GLRB: variants seen among roughly 807,000 people sequenced by gnomAD.
The protein encoded by GLRB is glycine receptor beta.
A neutral mutation model predicts 54.2 loss-of-function variants in GLRB; 33 were observed. That is an observed-to-expected ratio of 0.61 (90% CI 0.46 to 0.81). The LOEUF is 0.81. GLRB is among the 40% of genes least tolerant of loss of function. The pLI is 0.00. For missense variants in GLRB, 572 were observed against 584.6 expected, an observed-to-expected ratio of 0.98 and a Z score of 0.22; for synonymous variants, 209 against 208.2, an observed-to-expected ratio of 1.00 and a Z score of -0.03.
chr4:157,094,592 AG>A, intron 2 of GLRB, among the ~76,000 whole-genome samples: 1 of 152,344 alleles, frequency 6.6e-6, no homozygotes. Context: ...AGGCCAAAAG[AG>A]GGTAGCCTAA....
intron 2 of GLRB, among the ~76,000 whole-genome samples, chr4:157,106,461 T>C (rs771628116): frequency 9.2e-5 from 14 of 152,014 alleles, no homozygotes; most frequent in Non-Finnish European, 1.5e-4. Context: ...GTTTTCAGAG[T>C]AGATGGGCAT....
chr4:157,129,043 T>C (rs1560958130), intron 4 of GLRB, among the ~76,000 whole-genome samples: 1 of 152,020 alleles, frequency 6.6e-6, no homozygotes, highest in East Asian at 1.9e-4. Flanking sequence ...TATTAAAATA[T>C]CATTTATGAA....
intron 9 of GLRB, among the ~76,000 whole-genome samples, chr4:157,169,925 TTGTGAA>T (rs1737854557): frequency 6.6e-6 from 1 of 152,128 alleles, no homozygotes; most frequent in African/African-American, 2.4e-5. Context: ...TAGTCCTTGT[TTGTGAA>T]TGTGGCTTAG....
At position 157,171,073 on chromosome 4, in the gene GLRB, A is replaced by G. The variant is rs979777568; in HGVS notation, c.*345A>G. 6.0e-6 allele frequency: 1 copy of G among 166,474 alleles called. No individual in the cohort carries two copies. Among genetic ancestry groups the G allele is most frequent in the Non-Finnish European group, 1.3e-5 (1 of 77,190 alleles). 10.3% of individuals were successfully genotyped at this position (166,474 alleles called of 1,614,324 possible). ...AATGATATGCACGCTGAATCCTGCT[A>G]TGGTCACCATTCTAATGTATGTAGT... On this transcript the variant is annotated 3_prime_UTR_variant, in exon 10 of 10. Coordinates refer to ENST00000264428, the MANE Select transcript of GLRB (RefSeq NM_000824.5).
rs1290246543 is a variant in GLRB at position 157,171,837 on chromosome 4, C to T, written c.*1109C>T. Reference sequence around the variant, plus strand: ...TTTTCTTTCTTGTTAAAAGTCTAGACAACTGAGATTTACTTACTTTGAACT... The same window carrying T: ...TTTTCTTTCTTGTTAAAAGTCTAGATAACTGAGATTTACTTACTTTGAACT... On this transcript the variant is annotated 3_prime_UTR_variant, in exon 10 of 10. Coordinates refer to ENST00000264428, the MANE Select transcript of GLRB (RefSeq NM_000824.5). The T allele has an allele frequency of 1.3e-5, 2 of 151,762 alleles. No individual in the cohort carries two copies. Among genetic ancestry groups the T allele is most frequent in the Non-Finnish European group, 3.0e-5 (2 of 67,734 alleles). The allele number at this position is 151,762 out of a possible 1,614,324, so 9.4% of individuals were successfully genotyped here. A position where few individuals can be genotyped will look rare whatever the true frequency, so the allele number is the denominator to read the frequency against.
intron 8 of GLRB, among the ~76,000 whole-genome samples, chr4:157,150,715 C>A (rs1398473800): frequency 9.2e-5 from 14 of 151,980 alleles, no homozygotes; most frequent in African/African-American, 3.1e-4. Flanking sequence ...TAGGCCCCTT[C>A]CCCATCTTTT....
At chr4:157,082,515 G>A (rs899141794) in intron 2 of GLRB, among the ~76,000 whole-genome samples, 7 of 152,090 alleles carry the variant, frequency 4.6e-5, no homozygotes, top group African/African-American at 1.7e-4. Context: ...CTCTTATTAA[G>A]TCATTACATC....
chr4:157,167,684 G>A (rs1015787103), intron 9 of GLRB, among the ~76,000 whole-genome samples: 1 of 152,010 alleles, frequency 6.6e-6, no homozygotes, highest in Non-Finnish European at 1.5e-5. Flanking sequence ...TCACTCTTTC[G>A]ACTTGTGTAT....
At chr4:157,094,084 C>A (rs1433778044) in intron 2 of GLRB, among the ~76,000 whole-genome samples, 3 of 152,086 alleles carry the variant, frequency 2.0e-5, no homozygotes, top group Non-Finnish European at 2.9e-5. Context: ...TATTTTTAAA[C>A]CTTTTTGAAG....
At chr4:157,080,981 G>A (rs574368528) in intron 2 of GLRB, among the ~76,000 whole-genome samples, 2 of 152,168 alleles carry the variant, frequency 1.3e-5, no homozygotes, top group African/African-American at 4.8e-5. Flanking sequence ...TGATATTCTA[G>A]GATTTAATAT....
intron 4 of GLRB, among the ~76,000 whole-genome samples, chr4:157,126,410 G>A (rs1404110136): frequency 6.6e-6 from 1 of 151,492 alleles, no homozygotes; most frequent in African/African-American, 2.4e-5. Context: ...AAGCTTTATA[G>A]TTCCTATTTC....
chr4:157,082,548 A>C (rs535491491), intron 2 of GLRB, among the ~76,000 whole-genome samples: 5 of 152,292 alleles, frequency 3.3e-5, no homozygotes, highest in Admixed American at 2.0e-4. Context: ...AGTTACCTGA[A>C]ATTGACTGAT....
chr4:157,120,151 C>T lies in GLRB; in HGVS notation c.123-405C>T, dbSNP rs1355738782. ...CGCAAGAACAAAAAACCAAACACTGCGTGTTCTCATTCATAGGTGGGAATT... is the reference window on the plus strand; with the variant it reads ...CGCAAGAACAAAAAACCAAACACTGTGTGTTCTCATTCATAGGTGGGAATT... On this transcript the variant is annotated intron_variant, in intron 2 of 9. Transcript: ENST00000264428. 8.3e-5 allele frequency among the ~76,000 whole-genome samples: 12 copies of T among 144,426 alleles called. No homozygotes were observed. In the East Asian group the frequency reaches 1.9e-3, roughly 23 times the overall value. The allele number at this position is 144,426 out of a possible 152,430, so 94.7% of individuals were successfully genotyped here.
At chr4:157,161,190 T>G (rs1396763482) in intron 9 of GLRB, among the ~76,000 whole-genome samples, 1 of 152,226 alleles carries the variant, frequency 6.6e-6, no homozygotes, top group Non-Finnish European at 1.5e-5. Context: ...TTGGTGGATC[T>G]TCCTCCTTCC....
At chr4:157,094,572 AGTAGCCTAAAGGCCAAAAGAGG>A (rs1734736232) in intron 2 of GLRB, among the ~76,000 whole-genome samples, 1 of 152,366 alleles carries the variant, frequency 6.6e-6, no homozygotes, top group Admixed American at 6.5e-5. Flanking sequence ...TTGAAAAGAG[AGTAGCCTAAAGGCCAAAAGAGG>A]GTAGCCTAAA....
intron 9 of GLRB, among the ~76,000 whole-genome samples, chr4:157,157,898 C>T (rs1737298435): frequency 6.6e-6 from 1 of 152,100 alleles, no homozygotes; most frequent in Admixed American, 6.5e-5. Context: ...AGTTCTAGAT[C>T]CTTGAGGAAT....
chr4:157,101,609 G>C (rs545776698), intron 2 of GLRB, among the ~76,000 whole-genome samples: 81 of 152,084 alleles, frequency 5.3e-4, no homozygotes, highest in African/African-American at 1.9e-3. Context: ...CTGTTTTGTG[G>C]TGAGGGGGGA....
intron 2 of GLRB, among the ~76,000 whole-genome samples, chr4:157,108,735 A>G (rs1735311432): frequency 6.6e-6 from 1 of 152,196 alleles, no homozygotes; most frequent in South Asian, 2.1e-4. Context: ...AAGCAGCAGG[A>G]GTTTGAGAGG....
intron 2 of GLRB, among the ~76,000 whole-genome samples, chr4:157,112,607 A>T (rs1183848370): frequency 2.0e-5 from 3 of 151,970 alleles, no homozygotes; most frequent in Non-Finnish European, 4.4e-5. Flanking sequence ...AAGAGGGAGT[A>T]ACGCAGGCTT....
Sources: allele counts gnomAD v4.1 joint callset (sites outside exome capture counted in the v4.1 genomes callset), GRCh38; gene constraint gnomAD v4.1.1; transcripts MANE v1.5; gene names NCBI Gene and HGNC (gene_info 2026-07-23, HGNC 2026-07-21).